Variants in TRPM3 observed in about 807,000 individuals in gnomAD.
The protein encoded by TRPM3 is transient receptor potential cation channel subfamily M member 3, also known as long transient receptor potential channel 3.
TRPM3 carries 77 observed loss-of-function variants against 181.2 expected under a neutral mutation model. The ratio of observed to expected loss-of-function variants is 0.42; its 90% CI spans 0.35 to 0.51. TRPM3 has a LOEUF of 0.51. TRPM3 is among the 20% of genes least tolerant of loss of function. The pLI, the probability that TRPM3 is intolerant of heterozygous loss-of-function variation, is 0.01. For missense variants in TRPM3, 1,759 were observed against 2,196.7 expected (o/e 0.80, Z 3.98); for synonymous variants, 745 against 796.4 (o/e 0.94, Z 1.09).
At chr9:71,069,723 C>A (rs1456449173) in intron 1 of TRPM3, among the ~76,000 whole-genome samples, 1 of 151,826 alleles carries the variant, frequency 6.6e-6, no homozygotes, top group Non-Finnish European at 1.5e-5. Context: ...ATTCTCCTGC[C>A]TCAGCCTCCC....
At chr9:70,935,814 A>T (rs2096824186) in intron 1 of TRPM3, among the ~76,000 whole-genome samples, 1 of 152,160 alleles carries the variant, frequency 6.6e-6, no homozygotes, top group Admixed American at 6.6e-5. Context: ...CGCAATCCGT[A>T]CCCCAAATCA....
intron 1 of TRPM3, among the ~76,000 whole-genome samples, chr9:71,221,779 G>C (rs1313582165): frequency 6.6e-6 from 1 of 152,168 alleles, no homozygotes; most frequent in East Asian, 1.9e-4. Flanking sequence ...TAATTCCAGA[G>C]CCTATGTGAG....
At chr9:70,690,969 C>A (rs1339566612) in intron 8 of TRPM3, among the ~76,000 whole-genome samples, 1 of 152,122 alleles carries the variant, frequency 6.6e-6, no homozygotes, top group African/African-American at 2.4e-5. Flanking sequence ...TTAATGTTAA[C>A]ATTTTGCCAA....
At chr9:70,879,114 G>A (rs2095931822) in intron 1 of TRPM3, among the ~76,000 whole-genome samples, 1 of 152,112 alleles carries the variant, frequency 6.6e-6, no homozygotes, top group South Asian at 2.1e-4. Context: ...CACTGAGGAA[G>A]TGGAGGTTAA....
At chr9:70,614,593 C>T (rs2062491833) in intron 18 of TRPM3, among the ~76,000 whole-genome samples, 2 of 152,160 alleles carry the variant, frequency 1.3e-5, no homozygotes, top group Admixed American at 6.5e-5. Context: ...AAGCACTTAG[C>T]ACTGTTAAAA....
intron 1 of TRPM3, among the ~76,000 whole-genome samples, chr9:71,425,435 T>G (rs1168550133): frequency 6.6e-6 from 1 of 152,102 alleles, no homozygotes; most frequent in Non-Finnish European, 1.5e-5. Flanking sequence ...GCTGCTTAAG[T>G]CAGAAACATA....
At chr9:70,701,390 C>T (rs1034802993) in intron 8 of TRPM3, among the ~76,000 whole-genome samples, 1 of 152,104 alleles carries the variant, frequency 6.6e-6, no homozygotes, top group Admixed American at 6.5e-5. Context: ...GTCCTCACCA[C>T]TCTCACTGAC....
At chr9:71,121,681 G>T, upstream of TRPM3, 1 of 1,087,010 alleles carries the variant, frequency 9.2e-7, no homozygotes, top group Non-Finnish European at 1.1e-6. Flanking sequence ...GGGGGGAACC[G>T]GGGCCATTGC....
chr9:71,151,757 G>C (rs1186912444), intron 1 of TRPM3, among the ~76,000 whole-genome samples: 1 of 151,936 alleles, frequency 6.6e-6, no homozygotes, highest in East Asian at 1.9e-4. Flanking sequence ...CAAATAAAGG[G>C]CTCTTAAGTA....
intron 1 of TRPM3, among the ~76,000 whole-genome samples, chr9:71,236,908 G>A (rs1301444662): frequency 6.6e-6 from 1 of 151,980 alleles, no homozygotes. Flanking sequence ...TTAGCCAGTC[G>A]TGATGGTGGG....
In TRPM3 at chr9:70,761,625, C is replaced by T. The variant is rs780406483; in HGVS notation, c.1248G>A (p.Met416Ile). 1 of 1,613,990 alleles carries T rather than the reference C, an allele frequency of 6.2e-7. No homozygotes were observed. The highest frequency in any genetic ancestry group is 1.7e-5 in the Admixed American group (1 of 59,994). ...CCAATTCCTTCTTCTTCATGCACTC[C>T]ATGAGGATGATGAACAGATGCTGAG... is the stretch of plus-strand genomic sequence containing the variant. ...TQAQHLFIIL[M>I]ECMKKKELIT... Residue 416 changes from methionine to isoleucine, a missense_variant, in exon 8 of 26, where the codon ATG becomes ATA. Met to Ile is a conservative substitution (Grantham distance 10). Around this residue, in one of 8 missense-constraint regions of TRPM3, gnomAD observed 737 missense variants for 957.4 expected, o/e 0.77. Transcript: ENST00000677713.
chr9:70,652,684 C>G (rs2059742004), intron 9 of TRPM3, among the ~76,000 whole-genome samples: 1 of 152,200 alleles, frequency 6.6e-6, no homozygotes, highest in Non-Finnish European at 1.5e-5. Flanking sequence ...GGCAGAGTAA[C>G]TCACAGTATC....
intron 1 of TRPM3, chr9:70,917,552 A>T (rs2096611219): frequency 1.7e-6 from 1 of 600,908 alleles, no homozygotes; most frequent in Non-Finnish European, 3.1e-6. Context: ...TCTTTACGCA[A>T]ACAGTGTTAA....
intron 1 of TRPM3, among the ~76,000 whole-genome samples, chr9:70,976,322 A>G (rs1448679151): frequency 1.3e-5 from 2 of 152,224 alleles, no homozygotes; most frequent in Non-Finnish European, 2.9e-5. Context: ...AACTTCTCCT[A>G]CCAGAAGGTC....
At chr9:70,983,626 T>C (rs1214988989) in intron 1 of TRPM3, among the ~76,000 whole-genome samples, 1 of 152,134 alleles carries the variant, frequency 6.6e-6, no homozygotes, top group African/African-American at 2.4e-5. Context: ...GGAGAAAGCT[T>C]TACCATAAAA....
intron 1 of TRPM3, among the ~76,000 whole-genome samples, chr9:70,979,276 C>A (rs1590247803): frequency 1.3e-5 from 2 of 152,288 alleles, no homozygotes; most frequent in Non-Finnish European, 2.9e-5. Flanking sequence ...AGATTTCATT[C>A]ATTCATTTAT....
chr9:71,217,774 T>C (rs527347663), intron 1 of TRPM3, among the ~76,000 whole-genome samples: 6 of 152,148 alleles, frequency 3.9e-5, no homozygotes, highest in Non-Finnish European at 7.4e-5. Context: ...CCTGGTATCT[T>C]GGGCATGAAG....
intron 1 of TRPM3, among the ~76,000 whole-genome samples, chr9:70,945,695 C>T (rs1172468106): frequency 6.6e-6 from 1 of 152,124 alleles, no homozygotes; most frequent in African/African-American, 2.4e-5. Flanking sequence ...AGTATTGTAG[C>T]TTCATTACTT....
At chr9:70,960,073 C>CA (rs2097122127) in intron 1 of TRPM3, among the ~76,000 whole-genome samples, 2 of 152,032 alleles carry the variant, frequency 1.3e-5, no homozygotes, top group Admixed American at 1.3e-4. Context: ...GGGAACTCCC[C>CA]AACAATCTCT....
Sources: allele counts gnomAD v4.1 joint callset (sites outside exome capture counted in the v4.1 genomes callset), GRCh38; gene constraint gnomAD v4.1.1; regional missense constraint gnomAD v4.1.1; transcripts MANE v1.5; gene names NCBI Gene and HGNC (gene_info 2026-07-23, HGNC 2026-07-21).